The following PRR19 variants were observed in gnomAD, a reference collection of about 807,000 sequenced individuals.
PRR19 encodes the protein proline rich 19.
In PRR19, 9 loss-of-function variants were observed where a neutral mutation model predicts 19.2. That is an observed-to-expected ratio of 0.47 (90% CI 0.28 to 0.82). PRR19 has a LOEUF of 0.82. PRR19 is among the 40% of genes least tolerant of loss of function. The pLI is 0.11. For synonymous variants in PRR19, 190 were observed against 191.0 expected (o/e 0.99, Z 0.04); for missense variants, 457 against 466.0 (o/e 0.98, Z 0.18).
chr19:42,302,334 T>G lies in PRR19; in HGVS notation c.-176T>G. The G allele has an allele frequency of 6.3e-7, 1 of 1,578,958 alleles. No individual in the cohort carries two copies. The highest frequency in any genetic ancestry group is 1.1e-5 in the South Asian group (1 of 87,002). ...TCTTGGCGCCGCAGCTCCTGCAGGA[T>G]GAGCGAGTCGGGTCGGCCCGGGAGT... On this transcript the variant is annotated 5_prime_UTR_variant, in exon 1 of 3. It removes an upstream start codon present in the reference 5' UTR. Transcript: ENST00000341747.
intron 1 of PRR19, among the ~76,000 whole-genome samples, chr19:42,303,176 TGC>T (rs2147391275): frequency 6.6e-6 from 1 of 151,868 alleles, no homozygotes; most frequent in African/African-American, 2.4e-5. Flanking sequence ...CGTGTGTGTG[TGC>T]GCGCGCGTGG....
At position 42,308,188 on chromosome 19, in the gene PRR19, C is replaced by T. The variant is rs531414779; in HGVS notation, c.-6-1391C>T. ...CCCTGTGATTCCTTATCTGACCAAA[C>T]CTTTTCCAATCTCTCTCTGCTCACT... On this transcript the variant is annotated intron_variant, in intron 1 of 2. Coordinates refer to ENST00000341747, the MANE Select transcript of PRR19 (RefSeq NM_199285.3). Among the ~76,000 whole-genome samples, 3 of 152,182 alleles carry T rather than the reference C, an allele frequency of 2.0e-5. No homozygotes were observed. The South Asian group carries it at 6.2e-4, about 32-fold the overall frequency.
intron 1 of PRR19, among the ~76,000 whole-genome samples, chr19:42,305,759 C>T (rs1193092123): frequency 6.6e-6 from 1 of 152,202 alleles, no homozygotes; most frequent in Non-Finnish European, 1.5e-5. Context: ...ATTACCAACC[C>T]AATTTTACAG....
In PRR19 at chr19:42,309,849, C is replaced by G. The variant is rs1457228861; in HGVS notation, c.265C>G (p.Leu89Val). The change falls in exon 2 of 3, where the codon CTG (leucine) becomes GTG (valine). Residue 89 changes from leucine (L) to valine (V), a missense_variant. By Grantham distance (32) the Leu-to-Val change is conservative (BLOSUM62 1). Transcript: ENST00000341747. The part of the protein sequence containing the change: ...HEVKSLDVAR[L>V]LSSGTLVPGS... ...GGTGAAATCCCTAGATGTTGCAAGGCTGCTTAGCAGTGGGACCCTGGTGCC... is the reference window on the plus strand; with the variant it reads ...GGTGAAATCCCTAGATGTTGCAAGGGTGCTTAGCAGTGGGACCCTGGTGCC... 1 of 1,614,060 alleles carries G rather than the reference C, an allele frequency of 6.2e-7. No homozygotes were observed. The highest frequency in any genetic ancestry group is 8.5e-7 in the Non-Finnish European group (1 of 1,180,032).
chr19:42,302,806 CG>C (rs374423550), intron 1 of PRR19: 5,223 of 42,418 alleles, frequency 0.12, 265 homozygotes, highest in African/African-American at 0.22. Context: ...CCTACTGTTG[CG>C]GGGGGGGGGG....
In PRR19 at chr19:42,303,064, G is replaced by GGTGTGTGTGTGT. The variant is rs59660057; in HGVS notation, c.-7+592_-7+603dup. Among the ~76,000 whole-genome samples the GGTGTGTGTGTGT allele has an allele frequency of 8.0e-3, 1,068 of 134,010 alleles. 6 individuals carry two copies. Among genetic ancestry groups the GGTGTGTGTGTGT allele is most frequent in the Non-Finnish European group, 0.012 (742 of 62,894 alleles). The allele number at this position is 134,010 out of a possible 152,430, so 87.9% of individuals were successfully genotyped here. A position where few individuals can be genotyped will look rare whatever the true frequency, so the allele number is the denominator to read the frequency against. ...GGCTTCCCCTACTCAAAACACCGTG[G>GGTGTGTGTGTGT]GTGTGTGTGTGTGTGTGTGTGTGTG... is the stretch of plus-strand genomic sequence containing the variant. On this transcript the variant is annotated intron_variant, in intron 1 of 2. Transcript: ENST00000341747.
At chr19:42,302,659 G>A (rs1450544148) in intron 1 of PRR19, 156 bp downstream of exon 1, 2 of 311,026 alleles carry the variant, frequency 6.4e-6, no homozygotes, top group Non-Finnish European at 1.2e-5. Context: ...GCGGGGAGGA[G>A]GGAGAAACCA....
At position 42,309,972 on chromosome 19, in the gene PRR19, G is replaced by T. The variant is rs1017957055; in HGVS notation, c.388G>T (p.Gly130Cys). ...SRDKENQVPG[G>C]SGPGPPSSPE... ...GGACAAAGAGAACCAGGTGCCTGGAGGTTCGGGCCCAGGCCCACCCAGTTC... is the reference window on the plus strand; with the variant it reads ...GGACAAAGAGAACCAGGTGCCTGGATGTTCGGGCCCAGGCCCACCCAGTTC... The change falls in exon 2 of 3, where the codon GGT (glycine) becomes TGT (cysteine). Residue 130 changes from glycine to cysteine, a missense_variant. Transcript: ENST00000341747. The T allele has an allele frequency of 6.2e-7, 1 of 1,613,850 alleles. No individual in the cohort carries two copies. The highest frequency in any genetic ancestry group is 1.3e-5 in the African/African-American group (1 of 74,940).
At chr19:42,302,599 A>C in intron 1 of PRR19, 96 bp downstream of exon 1, 4 of 373,962 alleles carry the variant, frequency 1.1e-5, no homozygotes, top group East Asian at 4.9e-5. Flanking sequence ...CAGGCCGCGC[A>C]CCCGGCACGG....
intron 1 of PRR19, among the ~76,000 whole-genome samples, chr19:42,308,336 C>A (rs1487178155): frequency 6.6e-6 from 1 of 151,952 alleles, no homozygotes. Flanking sequence ...AAGTGATCCT[C>A]CTACCTCAGC....
At chr19:42,307,131 C>G (rs772332809) in intron 1 of PRR19, 1 of 152,510 alleles carries the variant, frequency 6.6e-6, no homozygotes, top group Admixed American at 6.5e-5. Flanking sequence ...ACTCTGCCCA[C>G]CCTGCCCTAC....
intron 1 of PRR19, among the ~76,000 whole-genome samples, chr19:42,306,708 A>G (rs2038710400): frequency 6.6e-6 from 1 of 152,204 alleles, no homozygotes; most frequent in South Asian, 2.1e-4. Context: ...GGTCTCAACT[A>G]GCCCTCGAAA....
In PRR19 at chr19:42,309,734, G is replaced by A. The variant is rs756326516; in HGVS notation, c.150G>A (p.Arg50=). The A allele has an allele frequency of 1.2e-6, 2 of 1,607,568 alleles. No homozygotes were observed. Among genetic ancestry groups the A allele is most frequent in the East Asian group, 4.5e-5 (2 of 44,676 alleles). The change falls in exon 2 of 3, where the codon CGG becomes CGA. Residue 50 remains arginine (R), a synonymous_variant. Transcript: ENST00000341747. ...LAHHDPPVAI[R]DPPVVPTASK... The stretch of plus-strand genomic sequence containing the variant: ...ACCACGATCCTCCTGTGGCCATTCG[G>A]GATCCACCTGTGGTCCCTACTGCCT...
At chr19:42,310,213 C>T (rs961905749) in intron 2 of PRR19, 28 bp downstream of exon 2, 1 of 1,613,858 alleles carries the variant, frequency 6.2e-7, no homozygotes, top group Non-Finnish European at 8.5e-7. Context: ...CCCTGTACTC[C>T]CCTTTCCTTT....
chr19:42,307,262 C>G (rs1428764872), intron 1 of PRR19, among the ~76,000 whole-genome samples: 2 of 152,152 alleles, frequency 1.3e-5, no homozygotes, highest in Non-Finnish European at 2.9e-5. Context: ...GCTTTCCAGA[C>G]TTCTCTTGCT....
At chr19:42,307,231 G>A (rs2038718882) in intron 1 of PRR19, among the ~76,000 whole-genome samples, 1 of 152,072 alleles carries the variant, frequency 6.6e-6, no homozygotes, top group Admixed American at 6.6e-5. Context: ...CTCCCTTCCT[G>A]TTCTCTTGAG....
chr19:42,309,714 G>C lies in PRR19; in HGVS notation c.130G>C (p.Asp44His). The change falls in exon 2 of 3, where the codon GAT becomes CAT. Residue 44 changes from aspartate (D) to histidine (H), a missense_variant. Asp to His is a moderately conservative substitution (Grantham distance 81). Transcript: ENST00000341747. ...CAGCCGCCGGCCATTAGCCCACCACGATCCTCCTGTGGCCATTCGGGATCC... is the reference window on the plus strand; with the variant it reads ...CAGCCGCCGGCCATTAGCCCACCACCATCCTCCTGTGGCCATTCGGGATCC... ...VGSRRPLAHHDPPVAIRDPPV... is the reference protein window; with the variant it reads ...VGSRRPLAHHHPPVAIRDPPV... 1 of 1,606,176 alleles carries C rather than the reference G, an allele frequency of 6.2e-7. No homozygotes were observed. Among genetic ancestry groups the C allele is most frequent in the Non-Finnish European group, 8.5e-7 (1 of 1,173,924 alleles).
chr19:42,303,353 T>A (rs961673287), intron 1 of PRR19: 18 of 151,904 alleles, frequency 1.2e-4, no homozygotes, highest in African/African-American at 4.4e-4. Flanking sequence ...GCCTCTACAC[T>A]CTCTCTAAAC....
intron 1 of PRR19, 41 bp downstream of exon 1, chr19:42,302,544 G>A (rs547577771): frequency 5.6e-5 from 27 of 484,154 alleles, no homozygotes; most frequent in South Asian, 5.3e-4. Flanking sequence ...CACGACGGCC[G>A]CACAGTGGGC....
Sources: gnomAD v4.1 joint callset for allele counts (sites outside exome capture counted in the v4.1 genomes callset) on GRCh38, gnomAD v4.1.1 for gene constraint, MANE v1.5 for transcripts, NCBI Gene and HGNC (gene_info 2026-07-23, HGNC 2026-07-21) for gene names.